The following NELL1 variants were observed in gnomAD, a reference collection of about 807,000 sequenced individuals.
The protein encoded by NELL1 is protein kinase C-binding protein NELL1.
Under a neutral mutation model 107.4 loss-of-function variants are expected in NELL1, and 76 were observed. The observed-to-expected ratio is 0.71, with a 90% CI of 0.59 to 0.86. NELL1 has a LOEUF of 0.86. Among genes scored for constraint, NELL1 ranks in the 40% least tolerant of loss-of-function variants. NELL1 has a pLI of 0.00. For missense variants in NELL1, 1,024 were observed against 1,005.5 expected (o/e 1.02, Z -0.25); for synonymous variants, 353 against 341.2 (o/e 1.03, Z -0.38).
At chr11:21,023,408 G>T (rs1182675126) in intron 12 of NELL1, among the ~76,000 whole-genome samples, 1 of 152,004 alleles carries the variant, frequency 6.6e-6, no homozygotes, top group Admixed American at 6.6e-5. Flanking sequence ...CTCTCCAAAT[G>T]ACTTATATTT....
chr11:21,496,495 C>T (rs1183103535), intron 15 of NELL1, among the ~76,000 whole-genome samples: 1 of 150,030 alleles, frequency 6.7e-6, no homozygotes, highest in South Asian at 2.1e-4. Flanking sequence ...TTGCAACCTT[C>T]GCCTCTTGGG....
intron 15 of NELL1, among the ~76,000 whole-genome samples, chr11:21,385,923 CT>C (rs1226027084): frequency 6.6e-6 from 1 of 151,750 alleles, no homozygotes; most frequent in African/African-American, 2.4e-5. Context: ...TTTCCTTCTC[CT>C]TCCCATAATA....
In NELL1 at chr11:21,229,414, C is replaced by A; in HGVS notation, c.1509C>A (p.Thr503=). The A allele has an allele frequency of 6.2e-7, 1 of 1,614,016 alleles. No homozygotes were observed. Among genetic ancestry groups the A allele is most frequent in the South Asian group, 1.1e-5 (1 of 91,088 alleles). Residue 503 remains threonine, a synonymous_variant, in exon 14 of 20, where the codon ACC becomes ACA. Transcript: ENST00000357134. The part of the protein sequence containing the change: ...CTNTVQGHSC[T]CKPGYVGNGT... ...ACACTGTCCAGGGACACAGCTGCACCTGCAAACCGGGCTACGTGGGGAACG... is the reference window on the plus strand; with the variant it reads ...ACACTGTCCAGGGACACAGCTGCACATGCAAACCGGGCTACGTGGGGAACG...
intron 4 of NELL1, among the ~76,000 whole-genome samples, chr11:20,867,679 G>A (rs1042094440): frequency 6.6e-6 from 1 of 152,096 alleles, no homozygotes; most frequent in Non-Finnish European, 1.5e-5. Context: ...AAGAGCATAC[G>A]GTGTGCATAT....
chr11:21,358,837 A>T (rs903576676), intron 14 of NELL1, among the ~76,000 whole-genome samples: 59 of 151,928 alleles, frequency 3.9e-4, no homozygotes, highest in Non-Finnish European at 6.3e-4. Flanking sequence ...TGTACATTGT[A>T]TCTTTAAACT....
chr11:21,511,500 G>A (rs1446309378), intron 15 of NELL1, among the ~76,000 whole-genome samples: 1 of 152,110 alleles, frequency 6.6e-6, no homozygotes, highest in Non-Finnish European at 1.5e-5. Flanking sequence ...GTGCAGTGAA[G>A]GAAGAGAGAC....
intron 3 of NELL1, among the ~76,000 whole-genome samples, chr11:20,803,446 A>G (rs897284698): frequency 6.6e-6 from 1 of 152,186 alleles, no homozygotes; most frequent in Non-Finnish European, 1.5e-5. Flanking sequence ...TTTTTTCTCA[A>G]TTAATCTGGC....
At chr11:20,852,049 C>T (rs1309259656) in intron 4 of NELL1, among the ~76,000 whole-genome samples, 1 of 152,190 alleles carries the variant, frequency 6.6e-6, no homozygotes, top group Admixed American at 6.5e-5. Context: ...AGCCTTTGGC[C>T]AGCACTTTTT....
intron 14 of NELL1, among the ~76,000 whole-genome samples, chr11:21,235,653 T>A (rs138601979): frequency 6.6e-6 from 1 of 152,252 alleles, no homozygotes; most frequent in African/African-American, 2.4e-5. Context: ...TGACCATAAA[T>A]CATAAGCGTA....
chr11:20,810,911 T>G (rs374789697), intron 3 of NELL1, among the ~76,000 whole-genome samples: 1 of 152,098 alleles, frequency 6.6e-6, no homozygotes, highest in Non-Finnish European at 1.5e-5. Context: ...TAACCCCTTA[T>G]CAGATGTATA....
chr11:20,881,587 T>G (rs748002637), intron 4 of NELL1, among the ~76,000 whole-genome samples: 2 of 152,220 alleles, frequency 1.3e-5, no homozygotes, highest in South Asian at 4.1e-4. Context: ...TCGGCACACA[T>G]TAAGTGTTGT....
At chr11:21,305,577 G>A (rs10833500) in intron 14 of NELL1, among the ~76,000 whole-genome samples, 24,036 of 151,516 alleles carry the variant, frequency 0.16, 2,396 homozygotes, top group South Asian at 0.34. Flanking sequence ...GATGCTACAA[G>A]GCGATGTTGT....
At chr11:21,177,048 A>G (rs185317229) in intron 13 of NELL1, among the ~76,000 whole-genome samples, 1 of 151,936 alleles carries the variant, frequency 6.6e-6, no homozygotes, top group East Asian at 1.9e-4. Flanking sequence ...GGGATGATCA[A>G]ATCAGGCTAA....
intron 14 of NELL1, among the ~76,000 whole-genome samples, chr11:21,277,110 C>A (rs949921967): frequency 2.0e-5 from 3 of 151,608 alleles, no homozygotes; most frequent in Admixed American, 6.6e-5. Flanking sequence ...AGTGAACAGG[C>A]AACCTACAGA....
At chr11:21,503,260 G>C (rs1029209882) in intron 15 of NELL1, among the ~76,000 whole-genome samples, 2 of 152,180 alleles carry the variant, frequency 1.3e-5, no homozygotes, top group African/African-American at 4.8e-5. Context: ...GATATTGAAA[G>C]AGGCAGGCAT....
chr11:21,214,784 A>T (rs897120403), intron 13 of NELL1, among the ~76,000 whole-genome samples: 12 of 88,750 alleles, frequency 1.4e-4, no homozygotes, highest in African/African-American at 5.4e-4. Flanking sequence ...AGTGGTTGAC[A>T]GTATTAGGGC....
At chr11:21,095,871 A>G (rs1854629973) in intron 12 of NELL1, among the ~76,000 whole-genome samples, 1 of 152,172 alleles carries the variant, frequency 6.6e-6, no homozygotes. Context: ...CAGCCTCCCA[A>G]AATGCTGGGA....
At chr11:21,177,242 T>C (rs1856732676) in intron 13 of NELL1, among the ~76,000 whole-genome samples, 1 of 151,752 alleles carries the variant, frequency 6.6e-6, no homozygotes, top group South Asian at 2.1e-4. Flanking sequence ...TTTTGACCAA[T>C]ATCTCCCCTT....
chr11:20,729,873 A>G (rs900946179), intron 2 of NELL1, among the ~76,000 whole-genome samples: 2 of 152,112 alleles, frequency 1.3e-5, no homozygotes, highest in African/African-American at 4.8e-5. Context: ...TGGGGAGGAA[A>G]TTGGATGCAC....
Sources: allele counts gnomAD v4.1 joint callset (sites outside exome capture counted in the v4.1 genomes callset), GRCh38; gene constraint gnomAD v4.1.1; transcripts MANE v1.5; gene names NCBI Gene and HGNC (gene_info 2026-07-23, HGNC 2026-07-21).